CADM2: variants seen among roughly 807,000 people sequenced by gnomAD.
CADM2 encodes the protein cell adhesion molecule 2.
CADM2 carries 12 observed loss-of-function variants against 49.8 expected under a neutral mutation model. The ratio of observed to expected loss-of-function variants is 0.24; its 90% CI spans 0.15 to 0.39. The LOEUF (loss-of-function observed/expected upper bound fraction) is 0.39, where lower values mean the gene tolerates loss of function less well. CADM2 is among the 10% of genes least tolerant of loss of function. The pLI is 1.00. For missense variants in CADM2, 378 were observed against 492.3 expected (o/e 0.77, Z 2.20); for synonymous variants, 214 against 175.4 (o/e 1.22, Z -1.74).
At chr3:85,855,158 C>T (rs1482414688) in intron 3 of CADM2, among the ~76,000 whole-genome samples, 1 of 152,112 alleles carries the variant, frequency 6.6e-6, no homozygotes, top group Non-Finnish European at 1.5e-5. Flanking sequence ...CTGTTACCTT[C>T]CTATCCCACT....
chr3:85,615,165 A>G (rs1450266550), intron 1 of CADM2, among the ~76,000 whole-genome samples: 2 of 151,812 alleles, frequency 1.3e-5, no homozygotes, highest in Non-Finnish European at 2.9e-5. Context: ...TTTGGCCTAG[A>G]TGTCTTTGTG....
intron 1 of CADM2, among the ~76,000 whole-genome samples, chr3:84,973,619 T>C (rs1246634134): frequency 6.6e-6 from 1 of 151,982 alleles, no homozygotes; most frequent in Non-Finnish European, 1.5e-5. Flanking sequence ...AAGAGGTCTG[T>C]GAGAAGGAAC....
At chr3:85,247,121 T>A (rs2107849675) in intron 1 of CADM2, among the ~76,000 whole-genome samples, 1 of 152,134 alleles carries the variant, frequency 6.6e-6, no homozygotes, top group Non-Finnish European at 1.5e-5. Context: ...TATAATAAAA[T>A]AAATGTCATG....
intron 1 of CADM2, among the ~76,000 whole-genome samples, chr3:85,067,740 T>C (rs912620696): frequency 2.0e-5 from 3 of 152,200 alleles, no homozygotes; most frequent in Non-Finnish European, 4.4e-5. Context: ...GGGAAACCTG[T>C]TTCTGCACTG....
At chr3:85,187,172 A>C (rs2041084763) in intron 1 of CADM2, among the ~76,000 whole-genome samples, 1 of 152,156 alleles carries the variant, frequency 6.6e-6, no homozygotes, top group Admixed American at 6.5e-5. Flanking sequence ...AACCCAATTA[A>C]TCTTCTAAAA....
intron 1 of CADM2, among the ~76,000 whole-genome samples, chr3:85,330,260 T>G (rs1451677023): frequency 6.6e-6 from 1 of 152,184 alleles, no homozygotes; most frequent in Admixed American, 6.5e-5. Context: ...TTTTTCTCAA[T>G]TACACAATAG....
intron 1 of CADM2, among the ~76,000 whole-genome samples, chr3:85,304,410 C>T (rs1369656766): frequency 6.6e-6 from 1 of 151,696 alleles, no homozygotes; most frequent in Non-Finnish European, 1.5e-5. Flanking sequence ...AACAGTAAGT[C>T]ATTTAAAGAT....
chr3:85,374,299 C>G (rs1449073686), intron 1 of CADM2, among the ~76,000 whole-genome samples: 1 of 152,160 alleles, frequency 6.6e-6, no homozygotes, highest in African/African-American at 2.4e-5. Context: ...CCACAGGTCT[C>G]TAGGGCTGGG....
intron 1 of CADM2, among the ~76,000 whole-genome samples, chr3:85,209,783 GCT>G (rs981293973): frequency 6.6e-6 from 1 of 152,066 alleles, no homozygotes; most frequent in Non-Finnish European, 1.5e-5. Context: ...AACACTACTA[GCT>G]CTCTGTTTTC....
intron 1 of CADM2, among the ~76,000 whole-genome samples, chr3:85,468,577 T>G (rs907468206): frequency 7.7e-6 from 1 of 130,626 alleles, no homozygotes; most frequent in Non-Finnish European, 1.7e-5. Flanking sequence ...TTTAAAGAAA[T>G]TACTGATCTT....
At chr3:85,413,138 CAAAAA>C (rs397973777) in intron 1 of CADM2, among the ~76,000 whole-genome samples, 1 of 17,126 alleles carries the variant, frequency 5.8e-5, no homozygotes, top group Non-Finnish European at 1.2e-4. Context: ...GACTCCGTCT[CAAAAA>C]AAAAAAAAAA....
At chr3:85,206,594 A>C (rs916473768) in intron 1 of CADM2, among the ~76,000 whole-genome samples, 1 of 152,064 alleles carries the variant, frequency 6.6e-6, no homozygotes, top group South Asian at 2.1e-4. Context: ...GGCGTGAGCC[A>C]CCGCGCCCGG....
intron 1 of CADM2, among the ~76,000 whole-genome samples, chr3:85,125,369 A>ATTTTTTTT (rs199735966): frequency 6.6e-6 from 1 of 151,040 alleles, no homozygotes; most frequent in African/African-American, 2.5e-5. Context: ...GTGAACTTAG[A>ATTTTTTTT]TTTTTGTTTT....
chr3:86,010,092 C>T lies in CADM2; in HGVS notation c.970+48445C>T, dbSNP rs542261402. The stretch of plus-strand genomic sequence containing the variant: ...TTTAATTTAAAGTAAATAGCAATGA[C>T]GAAATAATATTTCATATTGATGACA... On this transcript the variant is annotated intron_variant, in intron 8 of 9. Coordinates refer to ENST00000383699, the MANE Select transcript of CADM2 (RefSeq NM_001167675.2). Among the ~76,000 whole-genome samples the T allele has an allele frequency of 1.8e-4, 27 of 151,576 alleles. No homozygotes were observed. In the South Asian group the frequency reaches 4.2e-3, roughly 23 times the overall value.
intron 8 of CADM2, among the ~76,000 whole-genome samples, chr3:85,973,872 G>A (rs1447586360): frequency 6.6e-6 from 1 of 151,594 alleles, no homozygotes; most frequent in African/African-American, 2.4e-5. Flanking sequence ...AGTACAATGG[G>A]TGGTGAAAGG....
At chr3:85,713,958 G>A (rs910227790) in intron 1 of CADM2, among the ~76,000 whole-genome samples, 2 of 152,212 alleles carry the variant, frequency 1.3e-5, no homozygotes, top group Middle Eastern at 3.4e-3. Context: ...TATTTGATAC[G>A]GTGGCTTTAT....
At chr3:85,550,817 A>G (rs1259461592) in intron 1 of CADM2, among the ~76,000 whole-genome samples, 1 of 151,984 alleles carries the variant, frequency 6.6e-6, no homozygotes. Flanking sequence ...TCTCCTTTGC[A>G]CTCTGATTTC....
intron 3 of CADM2, among the ~76,000 whole-genome samples, chr3:85,881,637 C>G (rs1712798095): frequency 6.6e-6 from 1 of 152,036 alleles, no homozygotes; most frequent in African/African-American, 2.4e-5. Flanking sequence ...GTTGATTTGT[C>G]TAATTCTACT....
At chr3:85,066,383 A>T (rs2036531046) in intron 1 of CADM2, among the ~76,000 whole-genome samples, 1 of 111,712 alleles carries the variant, frequency 9.0e-6, no homozygotes, top group African/African-American at 4.9e-5. Context: ...TCAGCATTTA[A>T]AAAAAAAAAA....
Sources: gnomAD v4.1 joint callset for allele counts (sites outside exome capture counted in the v4.1 genomes callset) on GRCh38, gnomAD v4.1.1 for gene constraint, MANE v1.5 for transcripts, NCBI Gene and HGNC (gene_info 2026-07-23, HGNC 2026-07-21) for gene names.